DAB1: variants seen among roughly 807,000 people sequenced by gnomAD.
DAB1 encodes DAB adaptor protein 1, also known as disabled homolog 1.
In DAB1, 15 loss-of-function variants were observed where a neutral mutation model predicts 64.6. That is an observed-to-expected ratio of 0.23 (90% CI 0.16 to 0.36). The LOEUF (loss-of-function observed/expected upper bound fraction) is 0.36. Ranked by LOEUF, DAB1 falls within the 10% of genes least tolerant of loss-of-function variation. DAB1 has a pLI of 1.00. For synonymous variants in DAB1, 235 were observed against 251.9 expected (o/e 0.93, Z 0.64); for missense variants, 596 against 706.7 (o/e 0.84, Z 1.78).
chr1:57,578,289 G>C (rs1645273850), intron 7 of DAB1, among the ~76,000 whole-genome samples: 1 of 152,158 alleles, frequency 6.6e-6, no homozygotes, highest in African/African-American at 2.4e-5. Flanking sequence ...CATGTCCACT[G>C]TGCAGGTCTT....
intron 7 of DAB1, among the ~76,000 whole-genome samples, chr1:57,645,625 C>G (rs1253473030): frequency 6.6e-6 from 1 of 152,170 alleles, no homozygotes; most frequent in Admixed American, 6.5e-5. Context: ...GTTCCAGACC[C>G]TTTCACATGC....
At chr1:57,793,115 A>T (rs1425297766) in intron 6 of DAB1, among the ~76,000 whole-genome samples, 1 of 152,204 alleles carries the variant, frequency 6.6e-6, no homozygotes, top group African/African-American at 2.4e-5. Flanking sequence ...GAATTCATTA[A>T]GCAATTTTAG....
chr1:57,771,090 G>T (rs1384407576), intron 6 of DAB1, among the ~76,000 whole-genome samples: 1 of 152,190 alleles, frequency 6.6e-6, no homozygotes, highest in African/African-American at 2.4e-5. Flanking sequence ...CAGAGATATT[G>T]CATTAATGTA....
At chr1:57,427,239 A>C (rs979483306), upstream of DAB1, among the ~76,000 whole-genome samples, 1 of 152,200 alleles carries the variant, frequency 6.6e-6, no homozygotes, top group African/African-American at 2.4e-5. Context: ...AATAATTCTA[A>C]AATAGTTCAT....
chr1:57,002,712 A>T (rs368737473), intron 14 of DAB1, among the ~76,000 whole-genome samples: 17 of 152,262 alleles, frequency 1.1e-4, no homozygotes, highest in African/African-American at 3.8e-4. Flanking sequence ...TGAAATGTTG[A>T]TGTTCAACAG....
intron 5 of DAB1, among the ~76,000 whole-genome samples, chr1:58,046,105 G>T (rs577318985): frequency 2.0e-5 from 3 of 152,230 alleles, no homozygotes; most frequent in Admixed American, 1.3e-4. Context: ...ATTCAGCAAG[G>T]CTTTATTGAG....
At chr1:58,414,071 CAT>C (rs1392938077) in intron 3 of DAB1, among the ~76,000 whole-genome samples, 7 of 152,190 alleles carry the variant, frequency 4.6e-5, no homozygotes, top group Non-Finnish European at 1.5e-5. Flanking sequence ...AGTATCTAAA[CAT>C]ATCTAAATAT....
intron 5 of DAB1, among the ~76,000 whole-genome samples, chr1:58,133,205 C>T (rs1176823599): frequency 6.6e-6 from 1 of 152,124 alleles, no homozygotes; most frequent in African/African-American, 2.4e-5. Flanking sequence ...TGCTTTTTCC[C>T]CACCATGCAT....
intron 6 of DAB1, among the ~76,000 whole-genome samples, chr1:57,660,220 C>T (rs139737603): frequency 1.3e-5 from 2 of 152,050 alleles, no homozygotes; most frequent in African/African-American, 4.8e-5. Flanking sequence ...GGAGAGCCTC[C>T]TATATTCTAA....
chr1:57,663,371 C>T (rs1646409787), intron 6 of DAB1, among the ~76,000 whole-genome samples: 2 of 152,118 alleles, frequency 1.3e-5, no homozygotes, highest in South Asian at 4.1e-4. Context: ...AAACCCAAAC[C>T]ACATCAGGTG....
intron 7 of DAB1, among the ~76,000 whole-genome samples, chr1:57,449,483 A>T (rs1355778597): frequency 6.6e-6 from 1 of 151,386 alleles, no homozygotes; most frequent in East Asian, 1.9e-4. Context: ...AGGGCTTAAG[A>T]GATCCTCTTG....
rs764776268 is a variant in DAB1 at position 56,998,105 on chromosome 1, C to T, written c.*39G>A. ...GATGCTATTTCTTAGGTCTGTTGAT[C>T]TGCGCGTACAGAGGCTCTGGCTCCT... is the stretch of plus-strand genomic sequence containing the variant. On this transcript the variant is annotated 3_prime_UTR_variant, in exon 15 of 15. Transcript: ENST00000371236. 2 of 152,610 alleles carry T rather than the reference C, an allele frequency of 1.3e-5. No individual in the cohort carries two copies. The highest frequency in any genetic ancestry group is 2.9e-5 in the Non-Finnish European group (2 of 68,032). 9.5% of individuals were successfully genotyped at this position (152,610 alleles called of 1,614,324 possible).
At chr1:58,081,619 A>G (rs770665873) in intron 5 of DAB1, among the ~76,000 whole-genome samples, 7 of 152,244 alleles carry the variant, frequency 4.6e-5, no homozygotes, top group Admixed American at 1.3e-4. Context: ...TCATGCTCCT[A>G]CTATTCTCTT....
At chr1:58,045,622 A>AT (rs34964730) in intron 5 of DAB1, among the ~76,000 whole-genome samples, 56,998 of 151,794 alleles carry the variant, frequency 0.38, 11,579 homozygotes, top group Non-Finnish European at 0.46. Flanking sequence ...TGCTAGGAAT[A>AT]TTTTTTTTCC....
At chr1:58,195,424 G>A (rs1657624015) in intron 4 of DAB1, among the ~76,000 whole-genome samples, 1 of 152,176 alleles carries the variant, frequency 6.6e-6, no homozygotes, top group Admixed American at 6.5e-5. Flanking sequence ...AAGTGACACA[G>A]AGAGGGCAAT....
intron 9 of DAB1, among the ~76,000 whole-genome samples, chr1:57,029,280 AGAATT>A (rs1334104006): frequency 6.6e-6 from 1 of 152,204 alleles, no homozygotes; most frequent in Non-Finnish European, 1.5e-5. Flanking sequence ...ACAGAAGTCA[AGAATT>A]GAAGTTTGGG....
intron 2 of DAB1, among the ~76,000 whole-genome samples, chr1:57,179,525 C>A (rs964162899): frequency 3.3e-5 from 5 of 152,154 alleles, no homozygotes; most frequent in African/African-American, 1.2e-4. Context: ...GTATATCTGT[C>A]CCTGATTTAA....
At chr1:57,239,041 G>A (rs1668316703) in intron 2 of DAB1, among the ~76,000 whole-genome samples, 2 of 151,910 alleles carry the variant, frequency 1.3e-5, no homozygotes, top group South Asian at 4.2e-4. Flanking sequence ...TTTTGGTTTG[G>A]AAACTCTGTC....
At chr1:57,404,828 G>A (rs913309514) in intron 1 of DAB1, among the ~76,000 whole-genome samples, 11 of 152,102 alleles carry the variant, frequency 7.2e-5, no homozygotes, top group Non-Finnish European at 2.9e-5. Flanking sequence ...AGACGCTAAT[G>A]AAAACCCAAA....
Sources: gnomAD v4.1 joint callset for allele counts (sites outside exome capture counted in the v4.1 genomes callset) on GRCh38, gnomAD v4.1.1 for gene constraint, MANE v1.5 for transcripts, NCBI Gene and HGNC (gene_info 2026-07-23, HGNC 2026-07-21) for gene names.